The following GNB1 variants were observed in gnomAD, a reference collection of about 807,000 sequenced individuals.
GNB1 encodes the protein G protein subunit beta 1, also known as guanine nucleotide-binding protein G(I)/G(S)/G(T) subunit beta-1.
A neutral mutation model predicts 42.9 loss-of-function variants in GNB1; 2 were observed. The ratio of observed to expected loss-of-function variants is 0.05; its 90% CI spans 0.02 to 0.15. The LOEUF is 0.15. Among genes scored for constraint, GNB1 ranks in the 10% least tolerant of loss-of-function variants. The pLI, the probability that GNB1 is intolerant of heterozygous loss-of-function variation, is 1.00. For missense variants in GNB1, 193 were observed against 462.2 expected (o/e 0.42, Z 5.34); for synonymous variants, 183 against 174.7 (o/e 1.05, Z -0.38).
intron 7 of GNB1, 86 bp downstream of exon 7, chr1:1,804,333 T>A (rs879128202): frequency 1.2e-6 from 1 of 822,654 alleles, no homozygotes; most frequent in African/African-American, 1.7e-5. Context: ...TAAAAAATGA[T>A]TGATAAAAAG....
At chr1:1,885,643 G>A (rs1474560942) in intron 1 of GNB1, among the ~76,000 whole-genome samples, 1 of 131,172 alleles carries the variant, frequency 7.6e-6, no homozygotes, top group Non-Finnish European at 1.6e-5. Context: ...TGCAAGCTCC[G>A]CCTCCCGGGT....
At position 1,849,261 on chromosome 1, in the gene GNB1, A is replaced by G. The variant is rs565488564; in HGVS notation, c.-95-10023T>C. Among the ~76,000 whole-genome samples the G allele has an allele frequency of 5.9e-5, 9 of 152,330 alleles. 1 individual carries two copies. The highest frequency in any genetic ancestry group is 4.6e-4 in the Admixed American group (7 of 15,290). ...GAGACTCTGCTAGGCCTTGCTGTAT[A>G]TATCTCTTCATTTGCCTGGTCTGAT... On this transcript the variant is annotated intron_variant, in intron 1 of 11. Coordinates refer to ENST00000378609, the MANE Select transcript of GNB1 (RefSeq NM_002074.5).
At chr1:1,837,488 T>A (rs894735175) in intron 2 of GNB1, among the ~76,000 whole-genome samples, 18 of 151,496 alleles carry the variant, frequency 1.2e-4, no homozygotes, top group African/African-American at 4.4e-4. Flanking sequence ...TCTCTTGACC[T>A]CGTGATCCAC....
chr1:1,835,059 A>C (rs576439764), intron 2 of GNB1, among the ~76,000 whole-genome samples: 12 of 152,308 alleles, frequency 7.9e-5, no homozygotes, highest in Middle Eastern at 3.4e-3. Context: ...ATATAAAAAT[A>C]ATCTTTGTTT....
At chr1:1,823,543 T>C (rs1357729506) in intron 3 of GNB1, among the ~76,000 whole-genome samples, 2 of 152,162 alleles carry the variant, frequency 1.3e-5, no homozygotes, top group African/African-American at 4.8e-5. Flanking sequence ...TTGATTAATT[T>C]TGGTGGAGGG....
chr1:1,806,412 C>T, intron 6 of GNB1, 63 bp downstream of exon 6: 1 of 974,366 alleles, frequency 1.0e-6, no homozygotes, highest in Non-Finnish European at 1.6e-6. Context: ...CAAAATGAAT[C>T]CAGAGCTTAA....
intron 3 of GNB1, among the ~76,000 whole-genome samples, chr1:1,823,097 C>G (rs1047245490): frequency 2.0e-5 from 3 of 151,738 alleles, no homozygotes; most frequent in African/African-American, 7.3e-5. Flanking sequence ...AAAAAATTAG[C>G]CGGGTGTGGT....
At chr1:1,867,668 TTCC>T (rs1209211603) in intron 1 of GNB1, among the ~76,000 whole-genome samples, 1 of 152,208 alleles carries the variant, frequency 6.6e-6, no homozygotes, top group Non-Finnish European at 1.5e-5. Flanking sequence ...ATCATATATA[TTCC>T]TAACATTTTT....
At chr1:1,846,404 T>C (rs1647670316) in intron 1 of GNB1, among the ~76,000 whole-genome samples, 1 of 151,972 alleles carries the variant, frequency 6.6e-6, no homozygotes, top group Admixed American at 6.6e-5. Flanking sequence ...CCATCTCTGC[T>C]AAAAACAAAA....
At position 1,825,333 on chromosome 1, in the gene GNB1, AAAC is replaced by A. The variant is rs1311236917; in HGVS notation, c.57+61_57+63del. 25 of 1,174,932 alleles carry A rather than the reference AAAC, an allele frequency of 2.1e-5. No individual in the cohort carries two copies. In the African/African-American group the frequency reaches 3.5e-4, roughly 16 times the overall value. 72.8% of individuals were successfully genotyped at this position (1,174,932 alleles called of 1,614,324 possible). A position where few individuals can be genotyped will look rare whatever the true frequency, so the allele number is the denominator to read the frequency against. On this transcript the variant is annotated intron_variant, in intron 3 of 11. Transcript: ENST00000378609. ...GTCATCCTGTAAACCATTTTTCCTA[AAAC>A]AAGTAACATCTAACCTGAAACTCAA...
chr1:1,823,790 T>C (rs893880354), intron 3 of GNB1, among the ~76,000 whole-genome samples: 10 of 152,218 alleles, frequency 6.6e-5, no homozygotes, highest in Admixed American at 2.6e-4. Context: ...TTTCTAAACA[T>C]GTAATTGGCC....
intron 1 of GNB1, among the ~76,000 whole-genome samples, chr1:1,852,537 AT>A (rs1648048038): frequency 6.6e-6 from 1 of 151,726 alleles, no homozygotes; most frequent in Admixed American, 6.6e-5. Context: ...GCCTCAAAAT[AT>A]TTTTTAAAAA....
intron 1 of GNB1, among the ~76,000 whole-genome samples, chr1:1,852,660 G>C (rs1193398808): frequency 6.6e-6 from 1 of 151,684 alleles, no homozygotes; most frequent in Non-Finnish European, 1.5e-5. Flanking sequence ...TGTCAGCCTG[G>C]GCAACAGTGA....
chr1:1,843,513 C>G (rs1452021148), intron 1 of GNB1, among the ~76,000 whole-genome samples: 2 of 152,146 alleles, frequency 1.3e-5, no homozygotes, highest in Non-Finnish European at 2.9e-5. Flanking sequence ...AGGCACAAGG[C>G]ACCGCACCCA....
chr1:1,854,707 G>C (rs1001661478), intron 1 of GNB1, among the ~76,000 whole-genome samples: 1 of 152,190 alleles, frequency 6.6e-6, no homozygotes, highest in African/African-American at 2.4e-5. Flanking sequence ...AGGAGTTGGA[G>C]GCCAGACTGG....
chr1:1,883,608 C>CA (rs1390442722), intron 1 of GNB1, among the ~76,000 whole-genome samples: 1 of 152,208 alleles, frequency 6.6e-6, no homozygotes, highest in African/African-American at 2.4e-5. Context: ...ACAATGACCC[C>CA]ATGAAGGAGG....
chr1:1,820,785 C>T (rs1034742385), intron 3 of GNB1, among the ~76,000 whole-genome samples: 3 of 152,034 alleles, frequency 2.0e-5, no homozygotes, highest in Non-Finnish European at 4.4e-5. Flanking sequence ...ACTGTTAAAC[C>T]GAAGGAAAAA....
At chr1:1,806,563 C>G in intron 5 of GNB1, 25 bp from the exon 6 acceptor site, 2 of 1,516,842 alleles carry the variant, frequency 1.3e-6, no homozygotes, top group Middle Eastern at 1.7e-4. Flanking sequence ...AAAAGCAAAC[C>G]TATCAGTACC....
At chr1:1,883,884 T>TA (rs1649994314) in intron 1 of GNB1, among the ~76,000 whole-genome samples, 1 of 152,144 alleles carries the variant, frequency 6.6e-6, no homozygotes, top group African/African-American at 2.4e-5. Context: ...ATTTTAGGAA[T>TA]TATTTTAAAA....
Sources: gnomAD v4.1 joint callset for allele counts (sites outside exome capture counted in the v4.1 genomes callset) on GRCh38, gnomAD v4.1.1 for gene constraint, MANE v1.5 for transcripts, NCBI Gene and HGNC (gene_info 2026-07-23, HGNC 2026-07-21) for gene names.